CLVS1: variants seen among roughly 807,000 people sequenced by gnomAD.
CLVS1 encodes clavesin 1.
Under a neutral mutation model 33.1 loss-of-function variants are expected in CLVS1, and 10 were observed. The observed-to-expected ratio is 0.30, with a 90% CI of 0.19 to 0.51. The LOEUF is 0.51. CLVS1 is among the 20% of genes least tolerant of loss of function. CLVS1 has a pLI of 0.97. For synonymous variants in CLVS1, 163 were observed against 166.1 expected, an observed-to-expected ratio of 0.98 and a Z score of 0.14; for missense variants, 343 against 433.4, an observed-to-expected ratio of 0.79 and a Z score of 1.85.
chr8:61,246,735 G>A (rs1808818598), intron 2 of CLVS1, among the ~76,000 whole-genome samples: 1 of 151,896 alleles, frequency 6.6e-6, no homozygotes, highest in Non-Finnish European at 1.5e-5. Context: ...GTCAGAAAAT[G>A]TTTTCATTTT....
At chr8:61,321,940 G>A (rs1267749775) in intron 2 of CLVS1, among the ~76,000 whole-genome samples, 8 of 152,024 alleles carry the variant, frequency 5.3e-5, no homozygotes, top group African/African-American at 1.9e-4. Context: ...TTCCCCTGAT[G>A]CTATTTTTTC....
At chr8:61,474,485 AT>A (rs1459870719) in intron 5 of CLVS1, among the ~76,000 whole-genome samples, 3 of 151,918 alleles carry the variant, frequency 2.0e-5, no homozygotes, top group Non-Finnish European at 4.4e-5. Flanking sequence ...TTGTTTTTCT[AT>A]TTTCTTCTAT....
At chr8:61,019,803 C>G in the CLVS1 span, among the ~76,000 whole-genome samples, 1 of 152,064 alleles carries the variant, frequency 6.6e-6, no homozygotes, top group Non-Finnish European at 1.5e-5. Context: ...ATTGTACCTT[C>G]CAAGCAGAAC....
At chr8:61,090,284 A>T (rs1805212982) in intron 1 of CLVS1, among the ~76,000 whole-genome samples, 1 of 152,214 alleles carries the variant, frequency 6.6e-6, no homozygotes, top group Non-Finnish European at 1.5e-5. Context: ...TTTATAACAC[A>T]GTCAAGTCCA....
At chr8:61,464,153 G>T (rs191088062) in intron 5 of CLVS1, among the ~76,000 whole-genome samples, 1 of 151,910 alleles carries the variant, frequency 6.6e-6, no homozygotes, top group East Asian at 1.9e-4. Context: ...GAGACACAAA[G>T]TGAGTCATGC....
At chr8:60,967,698 G>GGT in the CLVS1 span, 1 of 455,956 alleles carries the variant, frequency 2.2e-6, no homozygotes, top group Non-Finnish European at 4.4e-6. Context: ...CACTGCTCAG[G>GGT]GTGTGGGTGC....
At chr8:61,274,698 TC>T (rs1809529924) in intron 2 of CLVS1, among the ~76,000 whole-genome samples, 1 of 152,220 alleles carries the variant, frequency 6.6e-6, no homozygotes, top group Non-Finnish European at 1.5e-5. Context: ...GAGCACACAA[TC>T]GCTGGCTATT....
At chr8:61,410,177 T>C (rs911498348) in intron 3 of CLVS1, among the ~76,000 whole-genome samples, 15 of 151,474 alleles carry the variant, frequency 9.9e-5, no homozygotes, top group Admixed American at 8.6e-4. Flanking sequence ...TATAGCTTCA[T>C]TTTACACTTA....
At chr8:61,348,984 C>T (rs1039440521) in intron 2 of CLVS1, among the ~76,000 whole-genome samples, 2 of 152,106 alleles carry the variant, frequency 1.3e-5, no homozygotes, top group Admixed American at 1.3e-4. Flanking sequence ...TGATGTTGAG[C>T]ACCTTTTCAT....
chr8:61,046,798 A>G, the CLVS1 span, among the ~76,000 whole-genome samples: 70 of 151,304 alleles, frequency 4.6e-4, no homozygotes, highest in South Asian at 0.014. Context: ...TTTGTCTGTT[A>G]TTGGTGTATA....
chr8:61,071,877 G>C (rs1165855728), intron 1 of CLVS1, among the ~76,000 whole-genome samples: 1 of 152,004 alleles, frequency 6.6e-6, no homozygotes, highest in Non-Finnish European at 1.5e-5. Flanking sequence ...CAGTTTAGAG[G>C]GTGTGGTTTC....
the CLVS1 span, among the ~76,000 whole-genome samples, chr8:61,032,515 G>C: frequency 6.6e-6 from 1 of 152,150 alleles, no homozygotes; most frequent in Admixed American, 6.5e-5. Context: ...AATGGTGCTG[G>C]CCAGGGAGCT....
At chr8:61,153,395 C>A (rs1806582143) in intron 2 of CLVS1, among the ~76,000 whole-genome samples, 1 of 152,168 alleles carries the variant, frequency 6.6e-6, no homozygotes, top group Non-Finnish European at 1.5e-5. Flanking sequence ...GTGCCAAATG[C>A]TTGCCTTTGG....
rs1295758347 is a variant in CLVS1 at position 61,067,143 on chromosome 8, T to C, written c.-243+9913T>C. ...AATTTCTCCTACACCCTGACCTGTATTGACTGCACTTTCTCATTGATTTTT... is the reference window on the plus strand; with the variant it reads ...AATTTCTCCTACACCCTGACCTGTACTGACTGCACTTTCTCATTGATTTTT... On this transcript the variant is annotated intron_variant, in intron 1 of 2. Transcript: ENST00000522621. Among the ~76,000 whole-genome samples the C allele has an allele frequency of 2.6e-5, 4 of 152,344 alleles. No individual in the cohort carries two copies. In the East Asian group the frequency reaches 7.7e-4, roughly 29 times the overall value.
At chr8:61,404,927 A>G (rs1236679608) in intron 3 of CLVS1, among the ~76,000 whole-genome samples, 1 of 152,168 alleles carries the variant, frequency 6.6e-6, no homozygotes, top group Non-Finnish European at 1.5e-5. Context: ...TCTAGCAAAG[A>G]GGATGGGAGG....
At chr8:61,129,699 C>T (rs1391216190) in intron 1 of CLVS1, among the ~76,000 whole-genome samples, 2 of 152,112 alleles carry the variant, frequency 1.3e-5, no homozygotes, top group Non-Finnish European at 2.9e-5. Flanking sequence ...CTCCCTGAGG[C>T]CTCTTTTATG....
intron 2 of CLVS1, among the ~76,000 whole-genome samples, chr8:61,175,056 TC>T (rs1426514724): frequency 1.3e-5 from 2 of 152,246 alleles, no homozygotes; most frequent in Non-Finnish European, 2.9e-5. Context: ...TAATAGTGAC[TC>T]TACTTAGTAA....
At chr8:61,033,004 A>T in the CLVS1 span, among the ~76,000 whole-genome samples, 1 of 100,980 alleles carries the variant, frequency 9.9e-6, no homozygotes, top group Non-Finnish European at 2.1e-5. Context: ...AAAGAAAGAA[A>T]GAAAGAAAGA....
In CLVS1 at chr8:61,299,933, G is replaced by C. The variant is rs1204580271; in HGVS notation, c.106G>C (p.Glu36Gln). Residue 36 changes from glutamate to glutamine, a missense_variant, in exon 2 of 6, where the codon GAG becomes CAG. By Grantham distance (29) the Glu-to-Gln change is conservative. Coordinates refer to ENST00000325897, the MANE Select transcript of CLVS1 (RefSeq NM_173519.3). ...GGCTGGACTCAGTCCAGAGACTATA[G>C]AGAAAGCTCGCCTGGAACTGAATGA... Reference protein sequence around the residue: ...LQAGLSPETIEKARLELNENP... With the variant: ...LQAGLSPETIQKARLELNENP... The C allele has an allele frequency of 6.2e-7, 1 of 1,613,994 alleles. No individual in the cohort carries two copies. Among genetic ancestry groups the C allele is most frequent in the South Asian group, 1.1e-5 (1 of 91,070 alleles).
Sources: allele counts gnomAD v4.1 joint callset (sites outside exome capture counted in the v4.1 genomes callset), GRCh38; gene constraint gnomAD v4.1.1; transcripts MANE v1.5; gene names NCBI Gene and HGNC (gene_info 2026-07-23, HGNC 2026-07-21).